The following BEND5 variants were observed in gnomAD, a reference collection of about 807,000 sequenced individuals.
BEND5 encodes the protein BEN domain-containing protein 5.
Under a neutral mutation model 43.9 loss-of-function variants are expected in BEND5, and 22 were observed. The observed-to-expected ratio is 0.50, with a 90% CI of 0.36 to 0.72. BEND5 has a LOEUF of 0.72. Among genes scored for constraint, BEND5 ranks in the 30% least tolerant of loss-of-function variants. The probability of loss-of-function intolerance (pLI) is 0.00; values close to 1 mark genes in which losing one functional copy is unlikely to be tolerated. For missense variants in BEND5, 428 were observed against 550.6 expected, an observed-to-expected ratio of 0.78 and a Z score of 2.23; for synonymous variants, 228 against 225.9, an observed-to-expected ratio of 1.01 and a Z score of -0.08.
chr1:48,747,711 C>A (rs1223360124), intron 3 of BEND5, among the ~76,000 whole-genome samples: 1 of 152,122 alleles, frequency 6.6e-6, no homozygotes, highest in Admixed American at 6.6e-5. Context: ...TTTGCTGGGG[C>A]AACAAATACA....
chr1:48,728,188 A>G (rs1316234403), intron 5 of BEND5, 145 bp from the exon 6 acceptor site: 4 of 711,208 alleles, frequency 5.6e-6, no homozygotes, highest in Non-Finnish European at 9.0e-6. Flanking sequence ...TAAAATTTGC[A>G]TCATAGAATG....
chr1:48,744,557 C>T (rs1214827068), intron 3 of BEND5, among the ~76,000 whole-genome samples: 1 of 152,170 alleles, frequency 6.6e-6, no homozygotes, highest in Admixed American at 6.5e-5. Flanking sequence ...CACTCACGGT[C>T]ATTTTTAGCA....
chr1:48,749,487 T>A (rs11588373), intron 3 of BEND5, among the ~76,000 whole-genome samples: 48,647 of 152,162 alleles, frequency 0.32, 10,201 homozygotes, highest in Non-Finnish European at 0.48. Flanking sequence ...AGAAGTCACA[T>A]AGGTGGTGAG....
At chr1:48,750,761 C>T (rs1463710996) in intron 3 of BEND5, among the ~76,000 whole-genome samples, 1 of 152,210 alleles carries the variant, frequency 6.6e-6, no homozygotes, top group Non-Finnish European at 1.5e-5. Flanking sequence ...CTTCTTGTCT[C>T]TAGTGGAATG....
intron 3 of BEND5, among the ~76,000 whole-genome samples, chr1:48,756,327 T>C (rs939419536): frequency 1.3e-5 from 2 of 152,236 alleles, no homozygotes; most frequent in African/African-American, 4.8e-5. Flanking sequence ...TCCCCTCTGC[T>C]GTCCCACAGT....
intron 3 of BEND5, among the ~76,000 whole-genome samples, chr1:48,751,734 A>C (rs1302177327): frequency 6.6e-6 from 1 of 152,226 alleles, no homozygotes; most frequent in African/African-American, 2.4e-5. Context: ...ACAATGGGGA[A>C]AAGCCTAACA....
chr1:48,748,121 C>T (rs1038802684), intron 3 of BEND5, among the ~76,000 whole-genome samples: 1 of 152,086 alleles, frequency 6.6e-6, no homozygotes, highest in Non-Finnish European at 1.5e-5. Flanking sequence ...ATTTTACTGT[C>T]GAGAAGTACC....
intron 3 of BEND5, among the ~76,000 whole-genome samples, chr1:48,753,863 C>A (rs968521073): frequency 5.9e-5 from 9 of 152,150 alleles, no homozygotes; most frequent in African/African-American, 1.7e-4. Context: ...GGTTAGAATT[C>A]ATCATTTTTG....
rs1357161471 is a variant in BEND5, at chr1:48,761,399, C to T, written c.298G>A (p.Val100Ile). Residue 100 changes from valine to isoleucine, a missense_variant, in exon 2 of 6, where the codon GTA becomes ATA. This residue lies in a region of BEND5 where 243 missense variants were observed against 286.4 expected (regional missense o/e 0.85). Coordinates refer to ENST00000371833, the MANE Select transcript of BEND5 (RefSeq NM_024603.4). The stretch of plus-strand genomic sequence containing the variant: ...TCTTTAACCTCTCCATCTTCTTCTA[C>T]ATGATTAAGAGAAAGCTTGGGGATT... ...IKIPKLSLNH[V>I]EEDGEVKDYG... is the part of the protein sequence containing the mutation. The T allele has an allele frequency of 6.4e-7, 1 of 1,551,644 alleles. No individual in the cohort carries two copies. Among genetic ancestry groups the T allele is most frequent in the Non-Finnish European group, 8.7e-7 (1 of 1,146,806 alleles).
intron 2 of BEND5, among the ~76,000 whole-genome samples, chr1:48,760,160 C>T (rs1214996589): frequency 6.6e-6 from 1 of 152,206 alleles, no homozygotes; most frequent in Non-Finnish European, 1.5e-5. Context: ...AGTTCATTTA[C>T]AAGAGAATTA....
chr1:48,754,239 A>T (rs1257521022), intron 3 of BEND5, among the ~76,000 whole-genome samples: 6 of 152,178 alleles, frequency 3.9e-5, no homozygotes, highest in Non-Finnish European at 4.4e-5. Context: ...CCATTCTCAC[A>T]CATGGGGGCT....
chr1:48,753,432 C>T (rs1652061678), intron 3 of BEND5, among the ~76,000 whole-genome samples: 2 of 152,218 alleles, frequency 1.3e-5, no homozygotes, highest in Non-Finnish European at 1.5e-5. Flanking sequence ...ATTTGGCTGA[C>T]ATCAGCTGCC....
At chr1:48,774,323 T>A (rs2148703465) in intron 1 of BEND5, among the ~76,000 whole-genome samples, 1 of 152,208 alleles carries the variant, frequency 6.6e-6, no homozygotes, top group South Asian at 2.1e-4. Flanking sequence ...CAAGTTTAAG[T>A]CAGGAAGGGG....
chr1:48,753,487 C>A (rs1213164626), intron 3 of BEND5, among the ~76,000 whole-genome samples: 3 of 152,188 alleles, frequency 2.0e-5, no homozygotes, highest in Non-Finnish European at 4.4e-5. Flanking sequence ...GAAACCAGTT[C>A]AGACTGCAAA....
At chr1:48,770,010 A>G (rs1332935331) in intron 1 of BEND5, among the ~76,000 whole-genome samples, 1 of 152,070 alleles carries the variant, frequency 6.6e-6, no homozygotes, top group Non-Finnish European at 1.5e-5. Flanking sequence ...CCATCCTAAA[A>G]TACCCCTGAC....
rs539399496 is a variant in BEND5 at position 48,744,063 on chromosome 1, T to A, written c.746-1292A>T. 2.0e-5 allele frequency among the ~76,000 whole-genome samples: 3 copies of A among 152,312 alleles called. No homozygotes were observed. The South Asian group carries it at 6.2e-4, about 32-fold the overall frequency. ...AGAGATTTCAGGTCCCATTCCTGGCTACACTATATTTTAATTGTGTGACCA... is the reference window on the plus strand; with the variant it reads ...AGAGATTTCAGGTCCCATTCCTGGCAACACTATATTTTAATTGTGTGACCA... On this transcript the variant is annotated intron_variant, in intron 3 of 5. Coordinates refer to ENST00000371833, the MANE Select transcript of BEND5 (RefSeq NM_024603.4).
intron 5 of BEND5, among the ~76,000 whole-genome samples, chr1:48,729,107 A>AT (rs150746810): frequency 0.019 from 2,817 of 150,852 alleles, 81 homozygotes; most frequent in African/African-American, 0.057. Context: ...ACTACAGAGC[A>AT]TTTTTTTTTA....
At chr1:48,737,321 A>T (rs1649232503) in intron 4 of BEND5, among the ~76,000 whole-genome samples, 1 of 152,218 alleles carries the variant, frequency 6.6e-6, no homozygotes, top group South Asian at 2.1e-4. Flanking sequence ...AAAAAAAATC[A>T]TCAGTTCGTG....
At chr1:48,763,687 GATC>G (rs2148668602) in intron 1 of BEND5, among the ~76,000 whole-genome samples, 1 of 152,290 alleles carries the variant, frequency 6.6e-6, no homozygotes, top group East Asian at 1.9e-4. Flanking sequence ...TGTAGCTCAG[GATC>G]ATGTTAGTGT....
Sources: gnomAD v4.1 joint callset for allele counts (sites outside exome capture counted in the v4.1 genomes callset) on GRCh38, gnomAD v4.1.1 for gene constraint, gnomAD v4.1.1 regional missense constraint, MANE v1.5 for transcripts, NCBI Gene and HGNC (gene_info 2026-07-23, HGNC 2026-07-21) for gene names.